XKR9: variants seen among roughly 807,000 people sequenced by gnomAD.
The protein encoded by XKR9 is XK-related protein 9.
A neutral mutation model predicts 32.0 loss-of-function variants in XKR9; 32 were observed. That is an observed-to-expected ratio of 1.00 (90% confidence interval 0.76 to 1.34). XKR9 has a LOEUF of 1.34. XKR9 is among the 40% of genes most tolerant of loss of function. The pLI is 0.00. For synonymous variants in XKR9, 168 were observed against 143.4 expected, an observed-to-expected ratio of 1.17 and a Z score of -1.22; for missense variants, 546 against 429.7, an observed-to-expected ratio of 1.27 and a Z score of -2.39.
At chr8:70,948,649 C>T in the XKR9 span, among the ~76,000 whole-genome samples, 4 of 152,246 alleles carry the variant, frequency 2.6e-5, no homozygotes, top group East Asian at 1.9e-4. Flanking sequence ...CCGAGCCTGC[C>T]GGTCAATGAG....
At chr8:70,837,196 CTG>C in the XKR9 span, among the ~76,000 whole-genome samples, 1 of 152,186 alleles carries the variant, frequency 6.6e-6, no homozygotes, top group East Asian at 1.9e-4. Context: ...TTCTAATAGA[CTG>C]TGAGCTTCTT....
chr8:71,060,784 G>A, the XKR9 span, among the ~76,000 whole-genome samples: 1 of 152,184 alleles, frequency 6.6e-6, no homozygotes. Context: ...AAGTACCCTT[G>A]TTGTTCCTAT....
chr8:70,707,318 A>T (rs2132178392), intron 4 of XKR9, among the ~76,000 whole-genome samples, 165 bp downstream of exon 4: 1 of 152,212 alleles, frequency 6.6e-6, no homozygotes, highest in East Asian at 1.9e-4. Flanking sequence ...GTATATAGAT[A>T]ATATACTGTA....
the XKR9 span, among the ~76,000 whole-genome samples, chr8:70,880,207 C>T: frequency 3.5e-4 from 54 of 152,212 alleles, 1 homozygote; most frequent in Admixed American, 3.5e-3. Flanking sequence ...CCTTTGAAAA[C>T]CGGCACAAGA....
the XKR9 span, among the ~76,000 whole-genome samples, chr8:70,814,493 G>GA: frequency 5.6e-4 from 82 of 145,956 alleles, no homozygotes; most frequent in South Asian, 8.5e-3. Context: ...AAGCAGGACA[G>GA]AAAAAAAAAA....
At chr8:70,832,897 T>C in the XKR9 span, among the ~76,000 whole-genome samples, 5 of 149,906 alleles carry the variant, frequency 3.3e-5, no homozygotes, top group African/African-American at 1.3e-4. Context: ...AACGTCTGTC[T>C]TTTCACTGAT....
chr8:70,968,778 A>G, the XKR9 span, among the ~76,000 whole-genome samples: 1 of 152,192 alleles, frequency 6.6e-6, no homozygotes, highest in Non-Finnish European at 1.5e-5. Flanking sequence ...ATCAGCAGTG[A>G]AGCCTGTGAA....
At chr8:70,993,700 C>T in the XKR9 span, among the ~76,000 whole-genome samples, 1 of 149,568 alleles carries the variant, frequency 6.7e-6, no homozygotes, top group Non-Finnish European at 1.5e-5. Context: ...CTTGAAGCTC[C>T]CCTCAGAAAG....
the XKR9 span, among the ~76,000 whole-genome samples, chr8:70,795,996 G>A: frequency 6.6e-6 from 1 of 151,880 alleles, no homozygotes; most frequent in Non-Finnish European, 1.5e-5. Flanking sequence ...TTTCTTTGTG[G>A]AAAGTTTTTT....
the XKR9 span, among the ~76,000 whole-genome samples, chr8:70,880,686 G>A: frequency 2.0e-5 from 3 of 152,108 alleles, no homozygotes; most frequent in East Asian, 1.9e-4. Flanking sequence ...CATGAAAATG[G>A]CCGTACTGCC....
the XKR9 span, among the ~76,000 whole-genome samples, chr8:70,802,802 A>T: frequency 6.6e-6 from 1 of 151,952 alleles, no homozygotes; most frequent in Non-Finnish European, 1.5e-5. Context: ...GCTGACTTGA[A>T]GGGTTTCTGC....
At position 70,733,817 on chromosome 8, in the gene XKR9, G is replaced by A; in HGVS notation, c.515G>A (p.Cys172Tyr). Residue 172 changes from cysteine to tyrosine, a missense_variant, in exon 5 of 5, where the codon TGC (cysteine) becomes TAC (tyrosine). By Grantham distance (194) the Cys-to-Tyr change is radical. Transcript: ENST00000408926. Reference protein sequence around the residue: ...FSQYAAIMVSCCAISWSTVDY... With the variant: ...FSQYAAIMVSYCAISWSTVDY... Reference sequence around the variant, plus strand: ...GTAGATGCGGCCATCATGGTCTCTTGCTGTGCTATTTCTTGGTCAACTGTT... The same window carrying A: ...GTAGATGCGGCCATCATGGTCTCTTACTGTGCTATTTCTTGGTCAACTGTT... 6.3e-7 allele frequency: 1 copy of A among 1,580,240 alleles called. No individual in the cohort carries two copies. The highest frequency in any genetic ancestry group is 8.6e-7 in the Non-Finnish European group (1 of 1,168,734).
intron 4 of XKR9, among the ~76,000 whole-genome samples, chr8:70,709,980 C>T (rs142035445): frequency 6.6e-6 from 1 of 152,056 alleles, no homozygotes; most frequent in African/African-American, 2.4e-5. Flanking sequence ...CCCAAATAGC[C>T]AAAGCAATCC....
At chr8:70,913,150 C>A in the XKR9 span, among the ~76,000 whole-genome samples, 2 of 152,098 alleles carry the variant, frequency 1.3e-5, no homozygotes, top group Non-Finnish European at 2.9e-5. Flanking sequence ...TAACCCAAAT[C>A]CTATTGAGTG....
the XKR9 span, among the ~76,000 whole-genome samples, chr8:70,985,633 T>C: frequency 0.31 from 47,495 of 152,122 alleles, 8,893 homozygotes; most frequent in Non-Finnish European, 0.43. Flanking sequence ...CTAAGGCATA[T>C]GCTACCTGAG....
chr8:70,915,372 C>A, the XKR9 span, among the ~76,000 whole-genome samples: 8 of 151,934 alleles, frequency 5.3e-5, no homozygotes, highest in Non-Finnish European at 1.0e-4. Context: ...AGGGAAGGGG[C>A]TATTATCATC....
intron 1 of XKR9, among the ~76,000 whole-genome samples, chr8:70,673,871 G>T (rs770345242): frequency 2.0e-5 from 3 of 152,080 alleles, no homozygotes; most frequent in Non-Finnish European, 4.4e-5. Flanking sequence ...TTCACGTTCT[G>T]TTCAGTTACA....
the XKR9 span, among the ~76,000 whole-genome samples, chr8:70,886,865 G>T: frequency 5.3e-5 from 8 of 151,900 alleles, no homozygotes; most frequent in Non-Finnish European, 1.2e-4. Context: ...ATTTTCTTTT[G>T]CTGAGCAGAA....
At chr8:71,064,416 C>A in the XKR9 span, among the ~76,000 whole-genome samples, 1 of 151,922 alleles carries the variant, frequency 6.6e-6, no homozygotes, top group Non-Finnish European at 1.5e-5. Flanking sequence ...TGTTTATGCC[C>A]AGAATGATCT....
Sources: allele counts gnomAD v4.1 joint callset (sites outside exome capture counted in the v4.1 genomes callset), GRCh38; gene constraint gnomAD v4.1.1; transcripts MANE v1.5; gene names NCBI Gene and HGNC (gene_info 2026-07-23, HGNC 2026-07-21).